Variants in ANKFN1 observed in about 807,000 individuals in gnomAD.
ANKFN1 encodes the protein ankyrin repeat and fibronectin type III domain containing 1.
ANKFN1 carries 74 observed loss-of-function variants against 108.7 expected under a neutral mutation model. The observed-to-expected ratio is 0.68, with a 90% CI of 0.56 to 0.83. The LOEUF (loss-of-function observed/expected upper bound fraction) is 0.83, where lower values mean the gene tolerates loss of function less well. ANKFN1 is among the 40% of genes least tolerant of loss of function. ANKFN1 has a pLI of 0.00. For missense variants in ANKFN1, 1,505 were observed against 1,382.3 expected (o/e 1.09, Z -1.41); for synonymous variants, 547 against 516.2 (o/e 1.06, Z -0.81).
At chr17:56,189,997 CAAA>C (rs59587527) in intron 1 of ANKFN1, among the ~76,000 whole-genome samples, 1 of 143,252 alleles carries the variant, frequency 7.0e-6, no homozygotes, top group Admixed American at 6.9e-5. Context: ...CATCCATGTG[CAAA>C]AAAAAAAAAA....
At chr17:56,158,379 A>G (rs1909312465) in intron 1 of ANKFN1, among the ~76,000 whole-genome samples, 1 of 152,176 alleles carries the variant, frequency 6.6e-6, no homozygotes, top group African/African-American at 2.4e-5. Flanking sequence ...CTCCACAATG[A>G]TTCCCTTCCA....
intron 1 of ANKFN1, among the ~76,000 whole-genome samples, chr17:56,202,384 T>C (rs1335788126): frequency 6.6e-6 from 1 of 152,172 alleles, no homozygotes; most frequent in Non-Finnish European, 1.5e-5. Context: ...AGCATAATCT[T>C]CCTAAAATAC....
intron 4 of ANKFN1, among the ~76,000 whole-genome samples, chr17:56,141,292 T>C (rs1907902960): frequency 6.6e-6 from 1 of 152,136 alleles, no homozygotes; most frequent in Non-Finnish European, 1.5e-5. Flanking sequence ...CTGACAGACG[T>C]GTGGTGATTT....
chr17:56,295,695 A>G (rs907053952), intron 3 of ANKFN1, among the ~76,000 whole-genome samples: 1 of 152,198 alleles, frequency 6.6e-6, no homozygotes, highest in Non-Finnish European at 1.5e-5. Flanking sequence ...GTTAATTTAT[A>G]TTAAACAGGA....
intron 14 of ANKFN1, among the ~76,000 whole-genome samples, chr17:56,459,103 GT>G (rs972752546): frequency 1.3e-5 from 2 of 151,694 alleles, no homozygotes; most frequent in African/African-American, 2.4e-5. Flanking sequence ...ACTCACTCGG[GT>G]TTTTTTTGGG....
At chr17:56,414,513 C>A (rs1225084213) in intron 8 of ANKFN1, among the ~76,000 whole-genome samples, 2 of 152,034 alleles carry the variant, frequency 1.3e-5, no homozygotes, top group South Asian at 2.1e-4. Flanking sequence ...ACTAGCAAAC[C>A]AAATTCAACA....
At chr17:56,241,761 T>A (rs1917599366) in intron 3 of ANKFN1, among the ~76,000 whole-genome samples, 1 of 152,074 alleles carries the variant, frequency 6.6e-6, no homozygotes, top group Non-Finnish European at 1.5e-5. Flanking sequence ...TAAAACAATA[T>A]GCCACTATCA....
chr17:56,181,311 A>T lies in ANKFN1; in HGVS notation c.-71+27781A>T, dbSNP rs571190431. 2.1e-3 allele frequency among the ~76,000 whole-genome samples: 320 copies of T among 152,252 alleles called. 1 individual carries two copies. The highest frequency in any genetic ancestry group is 3.8e-3 in the Non-Finnish European group (259 of 68,010). On this transcript the variant is annotated intron_variant, in intron 1 of 20. Transcript: ENST00000682825. Reference sequence around the variant, plus strand: ...GGAGGATTTCCCCCAAAGCTTTTTTAAAAAAAGTACACATTTTCATAATAG... The same window carrying T: ...GGAGGATTTCCCCCAAAGCTTTTTTTAAAAAAGTACACATTTTCATAATAG...
In ANKFN1 at chr17:56,218,431, C is replaced by T. The variant is rs181624081; in HGVS notation, c.12+5752C>T. Among the ~76,000 whole-genome samples, 43 of 152,220 alleles carry T rather than the reference C, an allele frequency of 2.8e-4. 1 individual carries two copies. Among genetic ancestry groups the T allele is most frequent in the Admixed American group, 2.7e-3 (42 of 15,284 alleles). ...GAATAATGTTCAACCCTTTACCTGG[C>T]TGAGATGATCTAACTCTTGCTTGTC... On this transcript the variant is annotated intron_variant, in intron 2 of 20. Transcript: ENST00000682825.
At chr17:56,494,938 C>T (rs1198450328) in intron 19 of ANKFN1, among the ~76,000 whole-genome samples, 3 of 152,154 alleles carry the variant, frequency 2.0e-5, no homozygotes, top group Admixed American at 6.5e-5. Flanking sequence ...CTGACTACTA[C>T]CCTTGCTCCT....
intron 8 of ANKFN1, among the ~76,000 whole-genome samples, chr17:56,396,223 A>T (rs2047579449): frequency 6.6e-6 from 1 of 152,186 alleles, no homozygotes; most frequent in South Asian, 2.1e-4. Flanking sequence ...CAAGGCGGGC[A>T]GATCACTTGA....
intron 4 of ANKFN1, among the ~76,000 whole-genome samples, chr17:56,137,009 A>T (rs76065561): frequency 6.6e-6 from 1 of 152,174 alleles, no homozygotes. Flanking sequence ...CAAAGGAAAT[A>T]AGACCATTTA....
chr17:56,222,682 C>T (rs1017632501), intron 2 of ANKFN1, among the ~76,000 whole-genome samples: 2 of 152,078 alleles, frequency 1.3e-5, no homozygotes, highest in Non-Finnish European at 2.9e-5. Context: ...AAGATTAGCA[C>T]ACAGAGAAGA....
At chr17:56,233,051 G>C (rs62073005) in intron 3 of ANKFN1, among the ~76,000 whole-genome samples, 21,914 of 151,868 alleles carry the variant, frequency 0.14, 1,787 homozygotes, top group East Asian at 0.22. Context: ...TTGTATCTGC[G>C]TCATAAGGTG....
chr17:56,253,348 G>C (rs1305495578), intron 3 of ANKFN1, among the ~76,000 whole-genome samples: 1 of 152,166 alleles, frequency 6.6e-6, no homozygotes, highest in Non-Finnish European at 1.5e-5. Context: ...AAAAGACATT[G>C]CTTCTATTAA....
chr17:56,392,031 T>C (rs1387022981), intron 8 of ANKFN1, among the ~76,000 whole-genome samples: 1 of 152,172 alleles, frequency 6.6e-6, no homozygotes, highest in Non-Finnish European at 1.5e-5. Flanking sequence ...GGAGCTTACA[T>C]TTTATGGAGT....
intron 20 of ANKFN1, 110 bp downstream of exon 20, chr17:56,499,208 C>A: frequency 9.6e-7 from 1 of 1,044,914 alleles, no homozygotes; most frequent in South Asian, 1.6e-5. Context: ...TGGATGAAAA[C>A]ACTGCTCAGG....
chr17:56,381,831 G>C (rs994137766), intron 8 of ANKFN1, among the ~76,000 whole-genome samples: 1 of 152,148 alleles, frequency 6.6e-6, no homozygotes, highest in Non-Finnish European at 1.5e-5. Flanking sequence ...GAATGTGACG[G>C]GGAGAATGGA....
Position 56,440,351 on chromosome 17 carries a change from T to G in ANKFN1, c.935T>G (p.Phe312Cys). The G allele has an allele frequency of 6.2e-7, 1 of 1,612,592 alleles. No individual in the cohort carries two copies. Among genetic ancestry groups the G allele is most frequent in the Admixed American group, 1.7e-5 (1 of 59,918 alleles). ...GTGGAATGGAGTATGTCCGAAGACT[T>G]TTCTCCTTTGGCTGGAGAAATCATC... ...YKVEWSMSED[F>C]SPLAGEIIMD... is the part of the protein sequence containing the mutation. Residue 312 changes from phenylalanine (F) to cysteine (C), a missense_variant, in exon 9 of 21, where the codon TTT becomes TGT. Transcript: ENST00000682825.
Sources: allele counts gnomAD v4.1 joint callset (sites outside exome capture counted in the v4.1 genomes callset), GRCh38; gene constraint gnomAD v4.1.1; transcripts MANE v1.5; gene names NCBI Gene and HGNC (gene_info 2026-07-23, HGNC 2026-07-21).